Variants in MEAK7 observed in about 807,000 individuals in gnomAD.
The protein encoded by MEAK7 is MTOR associated protein MEAK7.
In MEAK7, 68 loss-of-function variants were observed where a neutral mutation model predicts 40.5. That is an observed-to-expected ratio of 1.68 (90% confidence interval 1.38 to 2.06). The LOEUF (loss-of-function observed/expected upper bound fraction) is 2.06. Ranked by LOEUF, MEAK7 falls within the 30% of genes most tolerant of loss-of-function variation. MEAK7 has a pLI of 0.00. For missense variants in MEAK7, 918 were observed against 580.5 expected (o/e 1.58, Z -5.98); for synonymous variants, 338 against 231.9 (o/e 1.46, Z -4.16).
intron 3 of MEAK7, chr16:84,494,661 C>T (rs1913896460): frequency 8.7e-6 from 3 of 344,952 alleles, no homozygotes; most frequent in South Asian, 4.4e-5. Context: ...GTTTTTCTCT[C>T]TTCCTCCCCC....
chr16:84,482,741 G>C (rs772688853), intron 5 of MEAK7, 31 bp from the exon 6 acceptor site: 7 of 1,612,616 alleles, frequency 4.3e-6, no homozygotes, highest in African/African-American at 1.3e-5. Flanking sequence ...AAACAAACAG[G>C]GTCGGTGTCT....
rs1392943171 is a variant in MEAK7 at position 84,479,239 on chromosome 16, G to A, written c.*674C>T. 1 of 152,180 alleles carries A rather than the reference G, an allele frequency of 6.6e-6. No homozygotes were observed. Among genetic ancestry groups the A allele is most frequent in the Admixed American group, 6.5e-5 (1 of 15,270 alleles). The allele number at this position is 152,180 out of a possible 1,614,324, so 9.4% of individuals were successfully genotyped here. ...TGCCATTGGAAGCTGTTCCCAGAAAGCGTCGAGATTTTCATCCAGATGCCT... is the reference window on the plus strand; with the variant it reads ...TGCCATTGGAAGCTGTTCCCAGAAAACGTCGAGATTTTCATCCAGATGCCT... On this transcript the variant is annotated 3_prime_UTR_variant, in exon 8 of 8. Coordinates refer to ENST00000343629, the MANE Select transcript of MEAK7 (RefSeq NM_020947.4).
At position 84,480,596 on chromosome 16, in the gene MEAK7, G is replaced by A; in HGVS notation, c.1190C>T (p.Ala397Val). Residue 397 changes from alanine (A) to valine (V), a missense_variant, in exon 7 of 8, where the codon GCT (alanine) becomes GTT (valine). Coordinates refer to ENST00000343629, the MANE Select transcript of MEAK7 (RefSeq NM_020947.4). Reference sequence around the variant, plus strand: ...CTTATCAAACTGGAAGTTCTCCTGAGCCGACAGCTGCGGGCTGTTGTACGT... The same window carrying A: ...CTTATCAAACTGGAAGTTCTCCTGAACCGACAGCTGCGGGCTGTTGTACGT... Reference protein sequence around the residue: ...CTTYNSPQLSAQENFQFDKME... With the variant: ...CTTYNSPQLSVQENFQFDKME... 1 of 1,614,082 alleles carries A rather than the reference G, an allele frequency of 6.2e-7. No individual in the cohort carries two copies. Among genetic ancestry groups the A allele is most frequent in the Non-Finnish European group, 8.5e-7 (1 of 1,179,978 alleles).
At chr16:84,482,305 G>A (rs1237143747) in intron 6 of MEAK7, among the ~76,000 whole-genome samples, 2 of 152,194 alleles carry the variant, frequency 1.3e-5, no homozygotes, top group African/African-American at 2.4e-5. Flanking sequence ...TAGCCACAAA[G>A]GCTACAAACC....
chr16:84,486,659 G>C lies in MEAK7; in HGVS notation c.930C>G (p.Cys310Trp), dbSNP rs760857824. The C allele has an allele frequency of 1.2e-6, 2 of 1,611,950 alleles. No homozygotes were observed. Among genetic ancestry groups the C allele is most frequent in the Non-Finnish European group, 1.7e-6 (2 of 1,179,048 alleles). The change falls in exon 5 of 8, where the codon TGC (cysteine) becomes TGG (tryptophan). Residue 310 changes from cysteine to tryptophan, a missense_variant. By Grantham distance (215) the Cys-to-Trp change is radical. Coordinates refer to ENST00000343629, the MANE Select transcript of MEAK7 (RefSeq NM_020947.4). ...DKHVFGGFAS[C>W]SWEVKPQFQG... ...GAAACTGAGGCTTCACCTCCCAAGA[G>C]CAAGAGGCAAACCCACCGAACACAT...
At chr16:84,490,537 G>T in intron 3 of MEAK7, among the ~76,000 whole-genome samples, 1 of 129,184 alleles carries the variant, frequency 7.7e-6, no homozygotes, top group Non-Finnish European at 1.6e-5. Flanking sequence ...TGATATTTGT[G>T]TTACTTTTGA....
rs532552519 is a variant in MEAK7 at position 84,486,648 on chromosome 16, A to G, written c.941T>C (p.Val314Ala). Residue 314 changes from valine (V) to alanine (A), a missense_variant, in exon 5 of 8, where the codon GTG becomes GCG. Physicochemically the swap from Val to Ala is moderately conservative, Grantham distance 64. Transcript: ENST00000343629. ...FGGFASCSWE[V>A]KPQFQGDNRC... is the part of the protein sequence containing the mutation. ...AGTCTTACCTTGAAACTGAGGCTTC[A>G]CCTCCCAAGAGCAAGAGGCAAACCC... 10 of 1,608,142 alleles carry G rather than the reference A, an allele frequency of 6.2e-6. No individual in the cohort carries two copies. In the Admixed American group the frequency reaches 1.5e-4, roughly 25 times the overall value.
chr16:84,497,101 G>C (rs1045343149), intron 2 of MEAK7: 1 of 175,244 alleles, frequency 5.7e-6, no homozygotes. Context: ...ACCCAGGATG[G>C]AGTGTGGTGG....
intron 5 of MEAK7, among the ~76,000 whole-genome samples, chr16:84,484,825 T>C (rs1365651378): frequency 6.6e-6 from 1 of 152,226 alleles, no homozygotes; most frequent in African/African-American, 2.4e-5. Context: ...CCCTCTGCTG[T>C]TGTTTCGTGA....
At chr16:84,504,415 T>A (rs1236418244) in intron 1 of MEAK7, among the ~76,000 whole-genome samples, 186 bp downstream of exon 1, 1 of 149,944 alleles carries the variant, frequency 6.7e-6, no homozygotes, top group African/African-American at 2.5e-5. Context: ...CGCCCCGCTG[T>A]CCCCACCCCT....
intron 3 of MEAK7, 107 bp downstream of exon 3, chr16:84,495,576 T>C: frequency 9.8e-7 from 1 of 1,019,194 alleles, no homozygotes; most frequent in Non-Finnish European, 1.5e-6. Flanking sequence ...CCAGCTCAAA[T>C]ACTTTTTGGT....
intron 1 of MEAK7, among the ~76,000 whole-genome samples, chr16:84,500,530 C>T (rs528532304): frequency 6.6e-6 from 1 of 152,316 alleles, no homozygotes; most frequent in East Asian, 1.9e-4. Context: ...TGCCCCTCTG[C>T]ACAGGAAGTC....
chr16:84,481,094 C>A (rs1912497587), intron 6 of MEAK7, among the ~76,000 whole-genome samples: 2 of 152,250 alleles, frequency 1.3e-5, no homozygotes, highest in Admixed American at 6.5e-5. Flanking sequence ...ACACTGCAAA[C>A]CCCCTGTGTT....
intron 3 of MEAK7, among the ~76,000 whole-genome samples, chr16:84,490,025 AAAACTT>A (rs1597945872): frequency 6.6e-6 from 1 of 152,336 alleles, no homozygotes; most frequent in East Asian, 1.9e-4. Context: ...CCTGATGACT[AAAACTT>A]AAACAACCAA....
chr16:84,484,560 C>A (rs12149817), intron 5 of MEAK7, among the ~76,000 whole-genome samples: 48,323 of 152,092 alleles, frequency 0.32, 9,036 homozygotes, highest in Middle Eastern at 0.46. Context: ...TTCTTCTTTC[C>A]TCAAGCAAAA....
chr16:84,481,204 C>T (rs908205514), intron 6 of MEAK7, among the ~76,000 whole-genome samples: 11 of 152,200 alleles, frequency 7.2e-5, no homozygotes, highest in African/African-American at 1.2e-4. Context: ...GAGGCAGACC[C>T]GGAGGCGGAT....
chr16:84,483,937 G>T (rs901080701), intron 5 of MEAK7, among the ~76,000 whole-genome samples: 7 of 152,202 alleles, frequency 4.6e-5, no homozygotes, highest in African/African-American at 1.7e-4. Flanking sequence ...GCTTTACTCT[G>T]GGCTACAGAC....
At chr16:84,481,851 G>C (rs1011804117) in intron 6 of MEAK7, among the ~76,000 whole-genome samples, 1 of 152,104 alleles carries the variant, frequency 6.6e-6, no homozygotes, top group Non-Finnish European at 1.5e-5. Context: ...GGAGAATGGC[G>C]TGAACCTGGG....
intron 2 of MEAK7, chr16:84,497,077 G>T (rs186935348): frequency 1.1e-4 from 17 of 160,982 alleles, no homozygotes; most frequent in Non-Finnish European, 2.0e-4. Context: ...TTTGAGACAG[G>T]GTCTCCCTCT....
Sources: gnomAD v4.1 joint callset for allele counts (sites outside exome capture counted in the v4.1 genomes callset) on GRCh38, gnomAD v4.1.1 for gene constraint, MANE v1.5 for transcripts, NCBI Gene and HGNC (gene_info 2026-07-23, HGNC 2026-07-21) for gene names.